The following SCFD2 variants were observed in gnomAD, a reference collection of about 807,000 sequenced individuals.
The protein encoded by SCFD2 is sec1 family domain-containing protein 2.
SCFD2 carries 54 observed loss-of-function variants against 58.9 expected under a neutral mutation model. That is an observed-to-expected ratio of 0.92 (90% CI 0.74 to 1.15). The LOEUF (loss-of-function observed/expected upper bound fraction) is 1.15, where lower values mean the gene tolerates loss of function less well. SCFD2 is among the 50% of genes most tolerant of loss of function. The pLI, the probability that SCFD2 is intolerant of heterozygous loss-of-function variation, is 0.00. For synonymous variants in SCFD2, 321 were observed against 335.9 expected, an observed-to-expected ratio of 0.96 and a Z score of 0.49; for missense variants, 805 against 836.6, an observed-to-expected ratio of 0.96 and a Z score of 0.47.
intron 5 of SCFD2, among the ~76,000 whole-genome samples, chr4:53,106,291 C>T (rs1724999845): frequency 6.6e-6 from 1 of 152,148 alleles, no homozygotes; most frequent in Non-Finnish European, 1.5e-5. Context: ...GCTGAAAATT[C>T]CAAAAACCAG....
At chr4:53,248,159 G>A (rs1394778018) in intron 4 of SCFD2, among the ~76,000 whole-genome samples, 1 of 152,212 alleles carries the variant, frequency 6.6e-6, no homozygotes. Flanking sequence ...GGAAAGGGGT[G>A]ACAGACGGCA....
chr4:52,912,513 G>C (rs1441540158), intron 6 of SCFD2, among the ~76,000 whole-genome samples: 1 of 151,260 alleles, frequency 6.6e-6, no homozygotes, highest in Non-Finnish European at 1.5e-5. Flanking sequence ...ATGGGAATAT[G>C]GGGAAAAAAA....
intron 3 of SCFD2, among the ~76,000 whole-genome samples, chr4:53,306,723 T>C (rs1213287041): frequency 1.3e-5 from 2 of 152,134 alleles, no homozygotes; most frequent in Non-Finnish European, 2.9e-5. Flanking sequence ...TCATTGTAAG[T>C]GCTAAAAAGG....
intron 5 of SCFD2, among the ~76,000 whole-genome samples, chr4:53,111,726 G>A (rs368071551): frequency 1.3e-5 from 2 of 152,078 alleles, no homozygotes; most frequent in Non-Finnish European, 2.9e-5. Flanking sequence ...TAGAGTTTCT[G>A]ATTGTATTAT....
At chr4:53,263,398 G>A (rs1730885290) in intron 4 of SCFD2, among the ~76,000 whole-genome samples, 1 of 152,116 alleles carries the variant, frequency 6.6e-6, no homozygotes, top group African/African-American at 2.4e-5. Flanking sequence ...GGAAGATCTG[G>A]GACTCGGGGC....
At chr4:52,943,806 G>A (rs1369262614) in intron 5 of SCFD2, among the ~76,000 whole-genome samples, 1 of 152,114 alleles carries the variant, frequency 6.6e-6, no homozygotes, top group African/African-American at 2.4e-5. Context: ...CCATGCAATG[G>A]CTCTGTATCA....
chr4:53,268,764 G>A (rs1157252107), intron 4 of SCFD2, among the ~76,000 whole-genome samples: 2 of 152,102 alleles, frequency 1.3e-5, no homozygotes, highest in Non-Finnish European at 2.9e-5. Context: ...TTTCCACAAG[G>A]GTGCCTCTGT....
chr4:53,078,692 T>C (rs1414564705), intron 5 of SCFD2, among the ~76,000 whole-genome samples: 1 of 152,188 alleles, frequency 6.6e-6, no homozygotes, highest in Non-Finnish European at 1.5e-5. Context: ...AGAGGTTAAA[T>C]AACTTGCCCA....
intron 5 of SCFD2, among the ~76,000 whole-genome samples, chr4:53,059,031 C>G (rs925782934): frequency 6.6e-6 from 1 of 152,060 alleles, no homozygotes; most frequent in Admixed American, 6.6e-5. Context: ...GAGCTGATGG[C>G]AAGGGTGTAG....
chr4:53,235,816 T>C (rs1729587210), intron 4 of SCFD2, among the ~76,000 whole-genome samples: 1 of 152,196 alleles, frequency 6.6e-6, no homozygotes, highest in South Asian at 2.1e-4. Flanking sequence ...TACATACGTG[T>C]GTGCATACAT....
At chr4:53,188,158 TA>T (rs1727789547) in intron 4 of SCFD2, among the ~76,000 whole-genome samples, 1 of 152,126 alleles carries the variant, frequency 6.6e-6, no homozygotes, top group African/African-American at 2.4e-5. Context: ...TGGATAAAGC[TA>T]AAACCTTAAT....
chr4:53,073,187 A>G (rs1723873115), intron 5 of SCFD2, among the ~76,000 whole-genome samples: 1 of 152,112 alleles, frequency 6.6e-6, no homozygotes, highest in Admixed American at 6.6e-5. Context: ...TAATTATATT[A>G]GGTATTATAA....
At chr4:53,255,194 C>T (rs55697816) in intron 4 of SCFD2, among the ~76,000 whole-genome samples, 9 of 83,390 alleles carry the variant, frequency 1.1e-4, no homozygotes, top group Non-Finnish European at 1.9e-4. Flanking sequence ...CTTTTTTTTT[C>T]TTTTTTATTT....
chr4:52,996,963 T>C (rs946187455), intron 5 of SCFD2, among the ~76,000 whole-genome samples: 2 of 152,202 alleles, frequency 1.3e-5, no homozygotes, highest in African/African-American at 4.8e-5. Flanking sequence ...CATGTGTGCA[T>C]CTAAAATACT....
At chr4:53,317,389 A>C (rs778315225) in intron 2 of SCFD2, among the ~76,000 whole-genome samples, 6 of 152,176 alleles carry the variant, frequency 3.9e-5, no homozygotes, top group African/African-American at 1.4e-4. Context: ...ACATACACCT[A>C]TATCAGCATC....
rs558218113 is a variant in SCFD2, at chr4:53,250,305, T to C, written c.1311+23521A>G. On this transcript the variant is annotated intron_variant, in intron 4 of 8. Coordinates refer to ENST00000401642, the MANE Select transcript of SCFD2 (RefSeq NM_152540.4). ...GGAGCACCCAGATTCATAAAGCAAGTCCTTAGAGACCTACAAAGAGACTTA... is the reference window on the plus strand; with the variant it reads ...GGAGCACCCAGATTCATAAAGCAAGCCCTTAGAGACCTACAAAGAGACTTA... Among the ~76,000 whole-genome samples, 4 of 152,200 alleles carry C rather than the reference T, an allele frequency of 2.6e-5. No individual in the cohort carries two copies. In the East Asian group the frequency reaches 7.7e-4, roughly 29 times the overall value.
chr4:53,121,864 T>C (rs1278727430), intron 5 of SCFD2, among the ~76,000 whole-genome samples: 1 of 118,978 alleles, frequency 8.4e-6, no homozygotes, highest in Non-Finnish European at 1.7e-5. Context: ...ACCCGTGTGA[T>C]TTTTTTAAAG....
intron 2 of SCFD2, among the ~76,000 whole-genome samples, chr4:53,342,220 G>A (rs531991929): frequency 2.6e-5 from 4 of 152,178 alleles, no homozygotes; most frequent in East Asian, 1.9e-4. Context: ...CCCAACTCAC[G>A]TGCAGAGACA....
chr4:52,972,371 T>A (rs1326121124), intron 5 of SCFD2, among the ~76,000 whole-genome samples: 1 of 151,978 alleles, frequency 6.6e-6, no homozygotes, highest in African/African-American at 2.4e-5. Context: ...GCAATCCTAG[T>A]CTCGGATAAA....
Sources: gnomAD v4.1 joint callset for allele counts (sites outside exome capture counted in the v4.1 genomes callset) on GRCh38, gnomAD v4.1.1 for gene constraint, MANE v1.5 for transcripts, NCBI Gene and HGNC (gene_info 2026-07-23, HGNC 2026-07-21) for gene names.